UBTD2: variants seen among roughly 807,000 people sequenced by gnomAD.
UBTD2 encodes ubiquitin domain containing 2, also known as ubiquitin domain-containing protein 2.
In UBTD2, 9 loss-of-function variants were observed where a neutral mutation model predicts 19.8. The observed-to-expected ratio is 0.46, with a 90% CI of 0.27 to 0.79. UBTD2 has a LOEUF of 0.79. UBTD2 is among the 30% of genes least tolerant of loss of function. UBTD2 has a pLI of 0.14. For synonymous variants in UBTD2, 98 were observed against 103.9 expected (o/e 0.94, Z 0.35); for missense variants, 250 against 300.4 (o/e 0.83, Z 1.24).
intron 1 of UBTD2, among the ~76,000 whole-genome samples, chr5:172,257,215 T>A (rs1453160232): frequency 2.0e-5 from 3 of 152,206 alleles, no homozygotes; most frequent in Non-Finnish European, 4.4e-5. Context: ...TAGCTCCCAC[T>A]TATTAGTGAA....
In UBTD2 at chr5:172,234,193, T is replaced by C; in HGVS notation, c.236A>G (p.His79Arg). Residue 79 changes from histidine (H) to arginine (R), a missense_variant, in exon 2 of 3, where the codon CAT becomes CGT. His to Arg is a conservative substitution (Grantham distance 29). Transcript: ENST00000393792. ...TTCATGATCATTGCTCTCAAAAGCATGTGCAGCAGCCTTCAAGGCATCCCA... is the reference window on the plus strand; with the variant it reads ...TTCATGATCATTGCTCTCAAAAGCACGTGCAGCAGCCTTCAAGGCATCCCA... ...EIWDALKAAA[H>R]AFESNDHELA... The C allele has an allele frequency of 6.2e-7, 1 of 1,614,196 alleles. No homozygotes were observed. Among genetic ancestry groups the C allele is most frequent in the Middle Eastern group, 1.6e-4 (1 of 6,062 alleles).
At chr5:172,241,346 T>C (rs1581219922) in intron 1 of UBTD2, among the ~76,000 whole-genome samples, 1 of 149,186 alleles carries the variant, frequency 6.7e-6, no homozygotes, top group Non-Finnish European at 1.5e-5. Context: ...GAGGTGGAGG[T>C]TGCAGTGAGC....
rs2113884506 is a variant in UBTD2 at position 172,226,836 on chromosome 5, C to G, written c.307+7286G>C. 2.0e-5 allele frequency among the ~76,000 whole-genome samples: 3 copies of G among 152,286 alleles called. No homozygotes were observed. The Middle Eastern group carries it at 0.01, about 518-fold the overall frequency. ...CAGAAGGTCTAGCTATCTCAAACTA[C>G]CAAATCAGCCATCAAGACTGTGGCA... On this transcript the variant is annotated intron_variant, in intron 2 of 2. Coordinates refer to ENST00000393792, the MANE Select transcript of UBTD2 (RefSeq NM_152277.3).
At chr5:172,235,147 G>C (rs1005805101) in intron 1 of UBTD2, among the ~76,000 whole-genome samples, 1 of 151,106 alleles carries the variant, frequency 6.6e-6, no homozygotes, top group African/African-American at 2.5e-5. Flanking sequence ...TGCCTAGAAG[G>C]TAAGTGTTTC....
chr5:172,249,429 A>G (rs1754946562), intron 1 of UBTD2, among the ~76,000 whole-genome samples: 2 of 117,962 alleles, frequency 1.7e-5, no homozygotes, highest in East Asian at 2.4e-4. Flanking sequence ...AAAAAAAAAG[A>G]ACAGCAATCC....
chr5:172,270,366 T>G (rs1755461143), intron 1 of UBTD2, among the ~76,000 whole-genome samples: 1 of 145,322 alleles, frequency 6.9e-6, no homozygotes, highest in Admixed American at 6.8e-5. Context: ...TTTTTTTTTT[T>G]TTTTTTTTGA....
intron 2 of UBTD2, among the ~76,000 whole-genome samples, chr5:172,226,294 C>T (rs143449067): frequency 1.3e-5 from 2 of 152,202 alleles, no homozygotes; most frequent in Non-Finnish European, 2.9e-5. Flanking sequence ...GGACATAAGA[C>T]TCCAGGAGAA....
At chr5:172,248,414 C>G (rs912582400) in intron 1 of UBTD2, among the ~76,000 whole-genome samples, 1 of 152,016 alleles carries the variant, frequency 6.6e-6, no homozygotes, top group African/African-American at 2.4e-5. Context: ...ATGGTGAAAC[C>G]CCATCTCTAC....
chr5:172,217,291 T>G (rs1581208118), intron 2 of UBTD2, among the ~76,000 whole-genome samples: 1 of 150,066 alleles, frequency 6.7e-6, no homozygotes, highest in South Asian at 2.1e-4. Flanking sequence ...TGGTGGTGGG[T>G]GCTTATAATC....
intron 2 of UBTD2, among the ~76,000 whole-genome samples, chr5:172,216,626 G>C (rs1397280085): frequency 7.2e-6 from 1 of 138,034 alleles, no homozygotes; most frequent in East Asian, 2.2e-4. Flanking sequence ...AAAAGCCAGA[G>C]GGGGGAAAAA....
At chr5:172,237,269 T>G (rs1212578723) in intron 1 of UBTD2, among the ~76,000 whole-genome samples, 1 of 152,098 alleles carries the variant, frequency 6.6e-6, no homozygotes, top group Non-Finnish European at 1.5e-5. Flanking sequence ...AATTTTTGTA[T>G]TTTTAGTAGA....
intron 1 of UBTD2, among the ~76,000 whole-genome samples, chr5:172,267,524 T>A (rs1755401174): frequency 6.6e-6 from 1 of 152,224 alleles, no homozygotes; most frequent in Non-Finnish European, 1.5e-5. Flanking sequence ...CTGCTCAGTA[T>A]ACGCTCTCAT....
At chr5:172,256,107 A>G (rs939322933) in intron 1 of UBTD2, among the ~76,000 whole-genome samples, 2 of 152,170 alleles carry the variant, frequency 1.3e-5, no homozygotes, top group East Asian at 1.9e-4. Context: ...AAAAGAGAGA[A>G]AAAAAAAGAA....
chr5:172,229,687 T>A (rs12520274), intron 2 of UBTD2, among the ~76,000 whole-genome samples: 49,158 of 151,872 alleles, frequency 0.32, 8,030 homozygotes, highest in South Asian at 0.42. Flanking sequence ...ATTCCTAAAA[T>A]CCTTTTAAAT....
chr5:172,226,476 T>A (rs1342837613), intron 2 of UBTD2, among the ~76,000 whole-genome samples: 1 of 152,150 alleles, frequency 6.6e-6, no homozygotes. Context: ...CTAGTACATA[T>A]AACAAATCCA....
At chr5:172,278,769 A>G (rs528577264) in intron 1 of UBTD2, among the ~76,000 whole-genome samples, 22 of 151,978 alleles carry the variant, frequency 1.4e-4, no homozygotes, top group Non-Finnish European at 3.1e-4. Context: ...TTTTGCCACA[A>G]TTTTATTTTT....
intron 1 of UBTD2, among the ~76,000 whole-genome samples, chr5:172,276,937 T>C (rs1008675049): frequency 1.3e-5 from 2 of 150,702 alleles, no homozygotes; most frequent in African/African-American, 4.9e-5. Context: ...GGTGTGGAGG[T>C]GCACACGTGT....
At chr5:172,257,109 G>C (rs1017515968) in intron 1 of UBTD2, among the ~76,000 whole-genome samples, 17 of 152,168 alleles carry the variant, frequency 1.1e-4, no homozygotes, top group African/African-American at 2.4e-5. Context: ...ACAGTACCCA[G>C]TAAGTAGTTT....
At position 172,212,187 on chromosome 5, in the gene UBTD2, A is replaced by G. The variant is rs778466429; in HGVS notation, c.348T>C (p.Tyr116=). ...GTGCCAAGCAATACACTGGAAGCTG[A>G]TATCTGTTCCCCAGTTCATCGTAGC... The part of the protein sequence containing the change: ...TECYDELGNR[Y]QLPVYCLAPP... Residue 116 remains tyrosine, a synonymous_variant, in exon 3 of 3, where the codon TAT becomes TAC. Transcript: ENST00000393792. 1.2e-5 allele frequency: 20 copies of G among 1,613,010 alleles called. No homozygotes were observed. The highest frequency in any genetic ancestry group is 4.4e-5 in the South Asian group (4 of 91,082).
Sources: allele counts gnomAD v4.1 joint callset (sites outside exome capture counted in the v4.1 genomes callset), GRCh38; gene constraint gnomAD v4.1.1; transcripts MANE v1.5; gene names NCBI Gene and HGNC (gene_info 2026-07-23, HGNC 2026-07-21).